PPP2R5A: variants seen among roughly 807,000 people sequenced by gnomAD.
PPP2R5A encodes protein phosphatase 2 regulatory subunit B'alpha.
PPP2R5A carries 25 observed loss-of-function variants against 64.2 expected under a neutral mutation model. That is an observed-to-expected ratio of 0.39 (90% confidence interval 0.28 to 0.54). The LOEUF (loss-of-function observed/expected upper bound fraction) is 0.54. PPP2R5A is among the 20% of genes least tolerant of loss of function. The pLI, the probability that PPP2R5A is intolerant of heterozygous loss-of-function variation, is 0.67. For synonymous variants in PPP2R5A, 198 were observed against 201.2 expected, an observed-to-expected ratio of 0.98 and a Z score of 0.13; for missense variants, 425 against 576.3, an observed-to-expected ratio of 0.74 and a Z score of 2.69.
In PPP2R5A at chr1:212,314,372, G is replaced by GT. The variant is rs199726662; in HGVS notation, c.182-14754dup. 2.1e-4 allele frequency among the ~76,000 whole-genome samples: 32 copies of GT among 151,262 alleles called. No individual in the cohort carries two copies. The East Asian group carries it at 2.9e-3, about 14-fold the overall frequency. On this transcript the variant is annotated intron_variant, in intron 1 of 12. Transcript: ENST00000261461. ...TGACACAAAGAAATTGAGAAAGGTAGTTTTTTTTTGTTGTTGTTGTTTTTT... is the reference window on the plus strand; with the variant it reads ...TGACACAAAGAAATTGAGAAAGGTAGTTTTTTTTTTGTTGTTGTTGTTTTTT...
At chr1:212,350,452 G>A (rs146005565) in intron 8 of PPP2R5A, among the ~76,000 whole-genome samples, 3,399 of 151,882 alleles carry the variant, frequency 0.022, 127 homozygotes, top group African/African-American at 0.075. Context: ...CCAGGAGTTT[G>A]AGACCAGCCT....
At chr1:212,302,662 A>C (rs909788284) in intron 1 of PPP2R5A, among the ~76,000 whole-genome samples, 1 of 152,212 alleles carries the variant, frequency 6.6e-6, no homozygotes, top group Non-Finnish European at 1.5e-5. Flanking sequence ...TAGTATATTC[A>C]CAGACATGTG....
chr1:212,337,209 T>C (rs1022527387), intron 3 of PPP2R5A, among the ~76,000 whole-genome samples: 1 of 152,184 alleles, frequency 6.6e-6, no homozygotes, highest in African/African-American at 2.4e-5. Flanking sequence ...CTCATTTCTT[T>C]CCTAAGTATT....
rs61297300 is a variant in PPP2R5A, at chr1:212,350,976, TAAAAAAA to T, written c.927+1746_927+1752del. 4.2e-5 allele frequency among the ~76,000 whole-genome samples: 6 copies of T among 141,782 alleles called. 1 individual carries two copies. In the South Asian group the frequency reaches 1.4e-3, roughly 32 times the overall value. The allele number at this position is 141,782 out of a possible 152,430, so 93.0% of individuals were successfully genotyped here. A position where few individuals can be genotyped will look rare whatever the true frequency, so the allele number is the denominator to read the frequency against. ...AACATGGTGAAACCCCATTTCTACTTAAAAAAAAAAAAAAAAAATTAGCTGGGCATGG... is the reference window on the plus strand; with the variant it reads ...AACATGGTGAAACCCCATTTCTACTTAAAAAAAAAAATTAGCTGGGCATGG... On this transcript the variant is annotated intron_variant, in intron 8 of 12. Coordinates refer to ENST00000261461, the MANE Select transcript of PPP2R5A (RefSeq NM_006243.4).
chr1:212,321,790 G>A lies in PPP2R5A; in HGVS notation c.182-7345G>A, dbSNP rs921493507. Among the ~76,000 whole-genome samples the A allele has an allele frequency of 5.9e-5, 9 of 151,784 alleles. No individual in the cohort carries two copies. In the South Asian group the frequency reaches 8.3e-4, roughly 14 times the overall value. ...TCCTCACTTCCCAGACGGGGTGGCC[G>A]CCGGGCAGAGGCTGCAATCTCGGCA... On this transcript the variant is annotated intron_variant, in intron 1 of 12. Coordinates refer to ENST00000261461, the MANE Select transcript of PPP2R5A (RefSeq NM_006243.4).
intron 5 of PPP2R5A, among the ~76,000 whole-genome samples, chr1:212,346,937 A>G (rs1204886725): frequency 2.0e-5 from 3 of 152,194 alleles, no homozygotes; most frequent in Non-Finnish European, 4.4e-5. Context: ...TATGCAGCCT[A>G]TATAGTTAGA....
At chr1:212,289,850 G>T (rs886696878) in intron 1 of PPP2R5A, among the ~76,000 whole-genome samples, 1 of 152,116 alleles carries the variant, frequency 6.6e-6, no homozygotes, top group Non-Finnish European at 1.5e-5. Context: ...TCAGTTTTCA[G>T]ATATGATTTA....
intron 4 of PPP2R5A, among the ~76,000 whole-genome samples, chr1:212,342,973 A>G (rs1659711214): frequency 6.6e-6 from 1 of 150,606 alleles, no homozygotes; most frequent in Non-Finnish European, 1.5e-5. Context: ...TTTGAGAGGG[A>G]GTCTTGTTCT....
rs556318955 is a variant in PPP2R5A at position 212,320,389 on chromosome 1, C to T, written c.182-8746C>T. 1.2e-4 allele frequency among the ~76,000 whole-genome samples: 19 copies of T among 152,294 alleles called. No individual in the cohort carries two copies. The East Asian group carries it at 3.7e-3, about 29-fold the overall frequency. On this transcript the variant is annotated intron_variant, in intron 1 of 12. Coordinates refer to ENST00000261461, the MANE Select transcript of PPP2R5A (RefSeq NM_006243.4). ...AACCATCCGATTTCTCAATCTTTTC[C>T]CCACCTTTCCCCCCTTTCTATTCCA...
chr1:212,346,394 G>A (rs1272670272), intron 5 of PPP2R5A, among the ~76,000 whole-genome samples: 1 of 151,756 alleles, frequency 6.6e-6, no homozygotes, highest in East Asian at 1.9e-4. Context: ...TATCTGGGGA[G>A]GATTGATTCC....
At chr1:212,297,208 GC>G (rs1256120099) in intron 1 of PPP2R5A, among the ~76,000 whole-genome samples, 1 of 135,500 alleles carries the variant, frequency 7.4e-6, no homozygotes, top group African/African-American at 2.8e-5. Flanking sequence ...TGCAACCTCT[GC>G]CCCCTGGGTC....
chr1:212,331,408 GTCC>G (rs1405807940), intron 2 of PPP2R5A: 2 of 150,052 alleles, frequency 1.3e-5, no homozygotes, highest in Admixed American at 6.7e-5. Flanking sequence ...ACCTCAAGCA[GTCC>G]TCCTGTCTCG....
rs1371119112 is a variant in PPP2R5A at position 212,285,486 on chromosome 1, GT to G, written c.-624del. 2.6e-5 allele frequency: 4 copies of G among 152,682 alleles called. No homozygotes were observed. The highest frequency in any genetic ancestry group is 5.8e-5 in the Non-Finnish European group (4 of 68,414). The allele number at this position is 152,682 out of a possible 1,614,324, so 9.5% of individuals were successfully genotyped here. A position where few individuals can be genotyped will look rare whatever the true frequency, so the allele number is the denominator to read the frequency against. On this transcript the variant is annotated 5_prime_UTR_variant, in exon 1 of 13. Transcript: ENST00000261461. ...TTCTCCGTGGGCGGCCGACGGGCGC[GT>G]GGGGGAGGGGGTTCGGGCCGCCCAG... is the stretch of plus-strand genomic sequence containing the variant.
intron 1 of PPP2R5A, chr1:212,297,730 G>A (rs891359055): frequency 2.6e-5 from 4 of 151,628 alleles, no homozygotes; most frequent in African/African-American, 9.7e-5. Context: ...TCATTTTTAG[G>A]TAACCTAAAG....
intron 1 of PPP2R5A, among the ~76,000 whole-genome samples, chr1:212,320,708 G>C (rs1287237645): frequency 1.5e-5 from 2 of 134,032 alleles, no homozygotes; most frequent in East Asian, 5.2e-4. Context: ...CTCCCTCCCG[G>C]ATGGGGCGGC....
At chr1:212,301,270 C>G (rs528739496) in intron 1 of PPP2R5A, among the ~76,000 whole-genome samples, 3 of 152,194 alleles carry the variant, frequency 2.0e-5, no homozygotes, top group South Asian at 2.1e-4. Flanking sequence ...CTTGGCCCCC[C>G]CAAAGTGCTG....
intron 3 of PPP2R5A, among the ~76,000 whole-genome samples, chr1:212,339,678 T>C (rs1182830208): frequency 1.3e-5 from 2 of 152,182 alleles, no homozygotes; most frequent in Admixed American, 6.5e-5. Flanking sequence ...GGTTCAATTA[T>C]ATATATGGTT....
chr1:212,301,855 C>T (rs1222910020), intron 1 of PPP2R5A: 11 of 1,293,496 alleles, frequency 8.5e-6, no homozygotes, highest in Non-Finnish European at 9.8e-7. Flanking sequence ...TATATGAGAT[C>T]TTACTTTAGA....
chr1:212,324,299 G>GT (rs1659368981), intron 1 of PPP2R5A, among the ~76,000 whole-genome samples: 1 of 152,166 alleles, frequency 6.6e-6, no homozygotes, highest in Non-Finnish European at 1.5e-5. Context: ...AAAAGGAAGT[G>GT]TATGTGTGTC....
Sources: allele counts gnomAD v4.1 joint callset (sites outside exome capture counted in the v4.1 genomes callset), GRCh38; gene constraint gnomAD v4.1.1; transcripts MANE v1.5; gene names NCBI Gene and HGNC (gene_info 2026-07-23, HGNC 2026-07-21).